The following CNTNAP2 variants were observed in gnomAD, a reference collection of about 807,000 sequenced individuals.
CNTNAP2 encodes the protein contactin associated protein 2, also known as contactin-associated protein-like 2.
In CNTNAP2, 98 loss-of-function variants were observed where a neutral mutation model predicts 155.2. That is an observed-to-expected ratio of 0.63 (90% confidence interval 0.54 to 0.75). CNTNAP2 has a LOEUF of 0.75. CNTNAP2 is among the 30% of genes least tolerant of loss of function. CNTNAP2 has a pLI of 0.00. For missense variants in CNTNAP2, 1,727 were observed against 1,688.1 expected, an observed-to-expected ratio of 1.02 and a Z score of -0.40; for synonymous variants, 651 against 631.2, an observed-to-expected ratio of 1.03 and a Z score of -0.47.
intron 14 of CNTNAP2, among the ~76,000 whole-genome samples, chr7:147,907,826 G>A (rs1799989559): frequency 6.6e-6 from 1 of 152,020 alleles, no homozygotes; most frequent in Admixed American, 6.6e-5. Flanking sequence ...CTGTCAACCA[G>A]GCTGAGGTAC....
chr7:147,356,006 C>T (rs1417142037), intron 9 of CNTNAP2, among the ~76,000 whole-genome samples: 2 of 152,098 alleles, frequency 1.3e-5, no homozygotes, highest in African/African-American at 2.4e-5. Context: ...AGGGCAATAA[C>T]CCTGAGGAAC....
intron 4 of CNTNAP2, among the ~76,000 whole-genome samples, chr7:147,058,925 C>T (rs1306633284): frequency 6.6e-6 from 1 of 152,084 alleles, no homozygotes; most frequent in East Asian, 1.9e-4. Context: ...TCTTTTCCTA[C>T]TAAGGAAGTA....
chr7:146,234,686 G>A (rs143413447), intron 1 of CNTNAP2, among the ~76,000 whole-genome samples: 2,321 of 152,130 alleles, frequency 0.015, 50 homozygotes, highest in African/African-American at 0.052. Context: ...CATATGGCTA[G>A]CCAGTTTTCC....
At chr7:146,804,464 A>G (rs1802933142) in intron 2 of CNTNAP2, among the ~76,000 whole-genome samples, 1 of 152,176 alleles carries the variant, frequency 6.6e-6, no homozygotes, top group African/African-American at 2.4e-5. Flanking sequence ...AGGGATTTTC[A>G]TCACCTAGGA....
chr7:148,137,004 G>A (rs1248806555), intron 16 of CNTNAP2, among the ~76,000 whole-genome samples: 1 of 152,142 alleles, frequency 6.6e-6, no homozygotes, highest in Non-Finnish European at 1.5e-5. Context: ...CCAGAGGAAT[G>A]CTTTTCTTAA....
At chr7:147,591,627 T>G (rs914872249) in intron 12 of CNTNAP2, among the ~76,000 whole-genome samples, 1 of 152,194 alleles carries the variant, frequency 6.6e-6, no homozygotes, top group Non-Finnish European at 1.5e-5. Context: ...ATTGGTTTTC[T>G]GATTCTAGAT....
chr7:146,903,778 G>C (rs1004752892), intron 3 of CNTNAP2, among the ~76,000 whole-genome samples: 1 of 152,092 alleles, frequency 6.6e-6, no homozygotes. Flanking sequence ...CTAGACTGGG[G>C]GAATAGGTTT....
intron 11 of CNTNAP2, among the ~76,000 whole-genome samples, chr7:147,546,456 G>A (rs1008416514): frequency 1.3e-5 from 2 of 152,110 alleles, no homozygotes; most frequent in African/African-American, 4.8e-5. Context: ...CTAGATGAGT[G>A]CTGAGTATAG....
intron 1 of CNTNAP2, among the ~76,000 whole-genome samples, chr7:146,754,673 T>C (rs1052702172): frequency 6.6e-6 from 1 of 151,932 alleles, no homozygotes; most frequent in South Asian, 2.1e-4. Context: ...TCGAATGGTA[T>C]CTCTACAGTT....
intron 2 of CNTNAP2, among the ~76,000 whole-genome samples, chr7:146,817,179 A>G (rs1295757364): frequency 6.6e-6 from 1 of 152,152 alleles, no homozygotes; most frequent in Non-Finnish European, 1.5e-5. Flanking sequence ...ACTGCTATAA[A>G]GAAATACCTG....
At chr7:148,371,453 G>C (rs993220848) in intron 21 of CNTNAP2, among the ~76,000 whole-genome samples, 11 of 152,254 alleles carry the variant, frequency 7.2e-5, no homozygotes, top group African/African-American at 2.6e-4. Context: ...ATGTCCTCTT[G>C]AGTGGAGCCA....
chr7:148,295,646 C>G lies in CNTNAP2; in HGVS notation c.3475+28520C>G, dbSNP rs1372509780. Among the ~76,000 whole-genome samples the G allele has an allele frequency of 8.6e-5, 12 of 139,376 alleles. 1 individual carries two copies. The highest frequency in any genetic ancestry group is 8.4e-4 in the Admixed American group (12 of 14,290). 91.4% of individuals were successfully genotyped at this position (139,376 alleles called of 152,430 possible). ...AGCTGGGACTACCGGTGCCCGCCAC[C>G]GCGCCTGGCTAATTTTTTGTATTTT... On this transcript the variant is annotated intron_variant, in intron 21 of 23. Transcript: ENST00000361727.
At chr7:146,640,993 A>G (rs1226070862) in intron 1 of CNTNAP2, among the ~76,000 whole-genome samples, 1 of 152,182 alleles carries the variant, frequency 6.6e-6, no homozygotes, top group Non-Finnish European at 1.5e-5. Flanking sequence ...GCCTAACAAG[A>G]AATAAGGTAT....
intron 1 of CNTNAP2, among the ~76,000 whole-genome samples, chr7:146,560,476 G>GTA (rs539844540): frequency 0.011 from 1,710 of 151,210 alleles, 18 homozygotes; most frequent in Non-Finnish European, 0.019. Flanking sequence ...ATGTGTGTGT[G>GTA]TATATATATA....
chr7:146,543,199 AT>A (rs890910450), intron 1 of CNTNAP2, among the ~76,000 whole-genome samples: 1 of 151,916 alleles, frequency 6.6e-6, no homozygotes, highest in African/African-American at 2.4e-5. Context: ...TAAGTAAATA[AT>A]TTTTTAAGAA....
intron 1 of CNTNAP2, among the ~76,000 whole-genome samples, chr7:146,118,744 A>C (rs1267600618): frequency 6.6e-6 from 1 of 152,200 alleles, no homozygotes; most frequent in Admixed American, 6.5e-5. Flanking sequence ...CTGAGTTTTC[A>C]ACTTTATAGT....
intron 9 of CNTNAP2, among the ~76,000 whole-genome samples, chr7:147,328,442 CACT>C (rs1401684946): frequency 2.0e-5 from 3 of 152,144 alleles, no homozygotes; most frequent in African/African-American, 7.2e-5. Flanking sequence ...ACAGCTTCTC[CACT>C]ACTGTAGTCA....
intron 1 of CNTNAP2, among the ~76,000 whole-genome samples, chr7:146,505,467 T>G (rs1172616538): frequency 6.6e-6 from 1 of 152,202 alleles, no homozygotes; most frequent in Non-Finnish European, 1.5e-5. Context: ...ACCCCATGGT[T>G]CCTTTGGGTC....
intron 1 of CNTNAP2, among the ~76,000 whole-genome samples, chr7:146,714,361 A>G (rs1801150921): frequency 6.6e-6 from 1 of 152,226 alleles, no homozygotes; most frequent in Non-Finnish European, 1.5e-5. Context: ...CTTTGAGTAG[A>G]CCAACCCTAG....
Sources: allele counts gnomAD v4.1 joint callset (sites outside exome capture counted in the v4.1 genomes callset), GRCh38; gene constraint gnomAD v4.1.1; transcripts MANE v1.5; gene names NCBI Gene and HGNC (gene_info 2026-07-23, HGNC 2026-07-21).